Variants in HERC1 observed in about 807,000 individuals in gnomAD.
The protein encoded by HERC1 is HECT and RLD domain containing E3 ubiquitin protein ligase family member 1.
A neutral mutation model predicts 554.3 loss-of-function variants in HERC1; 160 were observed. The ratio of observed to expected loss-of-function variants is 0.29; its 90% CI spans 0.25 to 0.33. HERC1 has a LOEUF of 0.33. Ranked by LOEUF, HERC1 falls within the 10% of genes least tolerant of loss-of-function variation. HERC1 has a pLI of 1.00. For synonymous variants in HERC1, 2,175 were observed against 2,131.7 expected (o/e 1.02, Z -0.56); for missense variants, 4,919 against 5,918.5 (o/e 0.83, Z 5.54).
intron 34 of HERC1, among the ~76,000 whole-genome samples, chr15:63,684,067 G>A (rs1318382930): frequency 6.6e-6 from 1 of 152,224 alleles, no homozygotes; most frequent in African/African-American, 2.4e-5. Context: ...CTTGGATGCT[G>A]GCTGGACTGT....
chr15:63,637,122 T>C (rs752757091), intron 64 of HERC1: 1 of 457,330 alleles, frequency 2.2e-6, no homozygotes, highest in East Asian at 6.9e-5. Flanking sequence ...CTGATGAAGA[T>C]GTCCTTTAAA....
intron 39 of HERC1, among the ~76,000 whole-genome samples, chr15:63,670,517 C>T (rs1438652016): frequency 1.3e-5 from 2 of 152,128 alleles, no homozygotes; most frequent in African/African-American, 2.4e-5. Flanking sequence ...AAATGATGTT[C>T]GCCCAGTAAG....
chr15:63,691,809 T>C (rs1482038896), intron 31 of HERC1, among the ~76,000 whole-genome samples: 7 of 152,212 alleles, frequency 4.6e-5, no homozygotes, highest in African/African-American at 1.7e-4. Context: ...GATTGTTGTA[T>C]AATACTGTGA....
chr15:63,791,425 A>G (rs763111827), intron 1 of HERC1, among the ~76,000 whole-genome samples: 8 of 152,252 alleles, frequency 5.3e-5, no homozygotes, highest in Non-Finnish European at 1.2e-4. Flanking sequence ...TTGTACAAAC[A>G]GAAAGATGAA....
intron 63 of HERC1, 133 bp from the exon 64 acceptor site, chr15:63,637,776 TGATATAACTATG>T (rs2068847310): frequency 7.2e-6 from 4 of 556,964 alleles, no homozygotes. Context: ...AGGGAAGAGT[TGATATAACTATG>T]CAGTCCCGTA....
chr15:63,648,877 C>T (rs2069497519), intron 54 of HERC1, among the ~76,000 whole-genome samples: 1 of 152,168 alleles, frequency 6.6e-6, no homozygotes, highest in Non-Finnish European at 1.5e-5. Flanking sequence ...ACCATGTAAG[C>T]AGGCACTATG....
At chr15:63,656,442 G>A in intron 48 of HERC1, 84 bp from the exon 49 acceptor site, 2 of 1,172,800 alleles carry the variant, frequency 1.7e-6, no homozygotes, top group East Asian at 2.4e-5. Context: ...AACATTCACA[G>A]CATCAACAAC....
chr15:63,624,682 G>A (rs1566948910), intron 71 of HERC1, among the ~76,000 whole-genome samples: 1 of 152,154 alleles, frequency 6.6e-6, no homozygotes, highest in African/African-American at 2.4e-5. Context: ...GGCACAGAGT[G>A]AGACCCTGTC....
In HERC1 at chr15:63,612,128, C is replaced by T; in HGVS notation, c.14400+123G>A. ...GCTTGAAGCTAGGAAGCGGAGGTTG[C>T]AGTAAGCTAAAATCATGCCACTGCA... On this transcript the variant is annotated intron_variant, in intron 77 of 77. Coordinates refer to ENST00000443617, the MANE Select transcript of HERC1 (RefSeq NM_003922.4). The surrounding 1 kb of genome is among the most constrained non-coding windows in gnomAD (Gnocchi z 5.0). 1.2e-6 allele frequency: 1 copy of T among 829,430 alleles called. No homozygotes were observed. The highest frequency in any genetic ancestry group is 1.8e-6 in the Non-Finnish European group (1 of 541,380). The allele number at this position is 829,430 out of a possible 1,614,324, so 51.4% of individuals were successfully genotyped here.
In HERC1 at chr15:63,813,386, T is replaced by C. The variant is rs2077394153; in HGVS notation, c.-27+20441A>G. On this transcript the variant is annotated intron_variant, in intron 1 of 77. Coordinates refer to ENST00000443617, the MANE Select transcript of HERC1 (RefSeq NM_003922.4). The stretch of plus-strand genomic sequence containing the variant: ...TACACACACTAAAAGAGCCCATACA[T>C]AGATTACTCCAAAAGAGCCACACTT... Among the ~76,000 whole-genome samples, 3 of 151,438 alleles carry C rather than the reference T, an allele frequency of 2.0e-5. No individual in the cohort carries two copies. The East Asian group carries it at 5.8e-4, about 29-fold the overall frequency.
chr15:63,658,499 C>A, intron 48 of HERC1, 45 bp downstream of exon 48: 1 of 1,538,240 alleles, frequency 6.5e-7, no homozygotes, highest in East Asian at 2.3e-5. Flanking sequence ...AGCTAATGTA[C>A]ACTAGAAGTT....
intron 40 of HERC1, among the ~76,000 whole-genome samples, chr15:63,667,281 A>C (rs909614750): frequency 3.9e-5 from 6 of 152,246 alleles, no homozygotes; most frequent in African/African-American, 1.4e-4. Context: ...GCAATGGTTC[A>C]GTATTTGCTA....
At position 63,692,430 on chromosome 15, in the gene HERC1, T is replaced by C; in HGVS notation, c.5811A>G (p.Ala1937=). The C allele has an allele frequency of 6.2e-7, 1 of 1,607,014 alleles. No individual in the cohort carries two copies. The highest frequency in any genetic ancestry group is 8.5e-7 in the Non-Finnish European group (1 of 1,177,988). Reference sequence around the variant, plus strand: ...ATGTACCTGAAGAACATTTCTGAGATGCTATATTTAGAAGCACTTCGGTCC... The same window carrying C: ...ATGTACCTGAAGAACATTTCTGAGACGCTATATTTAGAAGCACTTCGGTCC... ...PKWTEVLLNI[A]SQKCSSGIPL... The change falls in exon 31 of 78, where the codon GCA becomes GCG. Residue 1937 remains alanine (A), a synonymous_variant. Transcript: ENST00000443617. The surrounding 1 kb of genome is among the most constrained non-coding windows in gnomAD (Gnocchi z 4.7).
At chr15:63,619,806 T>C (rs1308421987) in intron 74 of HERC1, among the ~76,000 whole-genome samples, 1 of 152,190 alleles carries the variant, frequency 6.6e-6, no homozygotes, top group East Asian at 1.9e-4. Flanking sequence ...TATTCTCTGA[T>C]GGTAGTTTGT....
intron 1 of HERC1, among the ~76,000 whole-genome samples, chr15:63,785,820 G>A (rs1361874880): frequency 6.6e-6 from 1 of 152,010 alleles, no homozygotes; most frequent in African/African-American, 2.4e-5. Context: ...AGGGAAATTG[G>A]TAAATGAGAA....
At chr15:63,683,135 CAAAA>C (rs1336396917) in intron 34 of HERC1, among the ~76,000 whole-genome samples, 1 of 77,740 alleles carries the variant, frequency 1.3e-5, no homozygotes. Flanking sequence ...CACTCTGTCT[CAAAA>C]AAAAAAAAAA....
At position 63,615,469 on chromosome 15, in the gene HERC1, G is replaced by A. The variant is rs138721064; in HGVS notation, c.14094+299C>T. Among the ~76,000 whole-genome samples, 288 of 152,264 alleles carry A rather than the reference G, an allele frequency of 1.9e-3. 3 individuals are homozygous for A. The highest frequency in any genetic ancestry group is 6.8e-3 in the Middle Eastern group (2 of 294). ...ACCAAAAAATAAAAAGATTAGCTAGGCGTGGTGACACATGCCTGTAGTCCC... is the reference window on the plus strand; with the variant it reads ...ACCAAAAAATAAAAAGATTAGCTAGACGTGGTGACACATGCCTGTAGTCCC... On this transcript the variant is annotated intron_variant, in intron 76 of 77. Transcript: ENST00000443617.
Position 63,650,278 on chromosome 15 carries a change from C to T in HERC1, c.10547-353G>A, listed in dbSNP as rs184673633. The stretch of plus-strand genomic sequence containing the variant: ...AAAATTGGCCAGGCATGGTGGCACG[C>T]GCCTGTAGTCCCAGCTACCTGGGAG... On this transcript the variant is annotated intron_variant, in intron 53 of 77. Transcript: ENST00000443617. Among the ~76,000 whole-genome samples, 363 of 152,096 alleles carry T rather than the reference C, an allele frequency of 2.4e-3. 1 individual carries two copies. The highest frequency in any genetic ancestry group is 3.8e-3 in the Non-Finnish European group (256 of 67,994).
intron 61 of HERC1, among the ~76,000 whole-genome samples, chr15:63,639,757 A>AT (rs1315876759): frequency 6.6e-6 from 1 of 152,250 alleles, no homozygotes; most frequent in African/African-American, 2.4e-5. Flanking sequence ...ATTTTATTTG[A>AT]TGCTAATTAA....
Sources: allele counts gnomAD v4.1 joint callset (sites outside exome capture counted in the v4.1 genomes callset), GRCh38; gene constraint gnomAD v4.1.1; non-coding constraint Gnocchi (gnomAD v3.1); transcripts MANE v1.5; gene names NCBI Gene and HGNC (gene_info 2026-07-23, HGNC 2026-07-21).